Variants in CEP350 observed in about 807,000 individuals in gnomAD.
CEP350 encodes the protein centrosome-associated protein 350.
CEP350 carries 126 observed loss-of-function variants against 331.8 expected under a neutral mutation model. That is an observed-to-expected ratio of 0.38 (90% CI 0.33 to 0.44). The LOEUF is 0.44. Among genes scored for constraint, CEP350 ranks in the 20% least tolerant of loss-of-function variants. CEP350 has a pLI of 1.00. For missense variants in CEP350, 3,406 were observed against 3,634.6 expected (o/e 0.94, Z 1.62); for synonymous variants, 1,200 against 1,259.5 (o/e 0.95, Z 1.00).
chr1:180,058,154 G>A (rs1303014707), intron 25 of CEP350, among the ~76,000 whole-genome samples: 1 of 152,116 alleles, frequency 6.6e-6, no homozygotes, highest in Non-Finnish European at 1.5e-5. Flanking sequence ...ATGTTCAAGG[G>A]AAAATGAAAA....
At chr1:179,966,158 G>A (rs1291371068) in intron 1 of CEP350, among the ~76,000 whole-genome samples, 2 of 152,126 alleles carry the variant, frequency 1.3e-5, no homozygotes, top group Non-Finnish European at 2.9e-5. Flanking sequence ...TGAAAGATTA[G>A]CAGATTTAAT....
rs775876183 is a variant in CEP350 at position 180,075,162 on chromosome 1, A to G, written c.5708A>G (p.Glu1903Gly). The G allele has an allele frequency of 6.2e-7, 1 of 1,613,680 alleles. No homozygotes were observed. The highest frequency in any genetic ancestry group is 2.2e-5 in the East Asian group (1 of 44,884). The change falls in exon 28 of 38, where the codon GAA (glutamate) becomes GGA (glycine). Residue 1903 changes from glutamate to glycine, a missense_variant. Coordinates refer to ENST00000367607, the MANE Select transcript of CEP350 (RefSeq NM_014810.5). ...CAAGCTTTGGCTGCCTGGGACAAAG[A>G]ATTAATAAAACCCAAAACTCCTAAG... is the stretch of plus-strand genomic sequence containing the variant. ...EKQALAAWDK[E>G]LIKPKTPKKE...
intron 1 of CEP350, among the ~76,000 whole-genome samples, chr1:179,971,278 C>T (rs1233678279): frequency 2.0e-5 from 3 of 152,038 alleles, no homozygotes; most frequent in African/African-American, 7.2e-5. Context: ...ATCTGCCTGC[C>T]TCGACCTCCC....
In CEP350 at chr1:180,093,027, GAAA is replaced by G; in HGVS notation, c.6924_6926del (p.Glu2308_Asn2309delinsAsp). On this transcript the variant is annotated inframe_deletion, in exon 34 of 38. Transcript: ENST00000367607. The stretch of plus-strand genomic sequence containing the variant: ...AAAGAAAGATCTTCCTTTAGATTCT[GAAA>G]ATGTTCAGAAAGACCTAGTTGGATT... 2.5e-6 allele frequency: 4 copies of G among 1,605,464 alleles called. No homozygotes were observed. Among genetic ancestry groups the G allele is most frequent in the Admixed American group, 3.4e-5 (2 of 58,842 alleles).
At chr1:180,071,586 G>A (rs1407060960) in intron 27 of CEP350, among the ~76,000 whole-genome samples, 1 of 152,006 alleles carries the variant, frequency 6.6e-6, no homozygotes, top group Non-Finnish European at 1.5e-5. Context: ...AGACCAGCCT[G>A]GCCAACATGG....
chr1:179,983,654 A>G (rs754627986), intron 1 of CEP350, among the ~76,000 whole-genome samples: 31 of 152,218 alleles, frequency 2.0e-4, no homozygotes, highest in Non-Finnish European at 4.1e-4. Flanking sequence ...AGTTTTACAT[A>G]TTTGGACTTA....
chr1:180,072,625 C>T (rs1020878436), intron 27 of CEP350, among the ~76,000 whole-genome samples: 22 of 151,956 alleles, frequency 1.4e-4, no homozygotes, highest in Non-Finnish European at 2.9e-4. Context: ...CAAGGCAATC[C>T]AGATATGAAT....
intron 25 of CEP350, among the ~76,000 whole-genome samples, chr1:180,058,239 CTG>C: frequency 6.6e-6 from 1 of 152,212 alleles, no homozygotes; most frequent in South Asian, 2.1e-4. Flanking sequence ...CTGCAGGAAA[CTG>C]AATGTGTTAG....
rs551556576 is a variant in CEP350 at position 180,025,079 on chromosome 1, C to T, written c.3550+497C>T. On this transcript the variant is annotated intron_variant, in intron 14 of 37. Transcript: ENST00000367607. ...AGCTGGGACTACAGGCGCCCGCCAC[C>T]GCACCCAGCTAATTTTTTGTATTTT... Among the ~76,000 whole-genome samples the T allele has an allele frequency of 4.4e-3, 675 of 152,140 alleles. 7 individuals are homozygous for T. Among genetic ancestry groups the T allele is most frequent in the African/African-American group, 0.015 (641 of 41,532 alleles).
At chr1:180,024,174 A>T (rs1213364387) in intron 13 of CEP350, among the ~76,000 whole-genome samples, 1 of 152,056 alleles carries the variant, frequency 6.6e-6, no homozygotes, top group Non-Finnish European at 1.5e-5. Flanking sequence ...AGTATTCAAC[A>T]TTATACATTT....
intron 22 of CEP350, among the ~76,000 whole-genome samples, chr1:180,050,846 C>G (rs1324196526): frequency 6.6e-6 from 1 of 152,092 alleles, no homozygotes; most frequent in Non-Finnish European, 1.5e-5. Context: ...ATTAAAATTA[C>G]AAGATGCCAT....
chr1:179,965,159 C>G (rs1471619719), intron 1 of CEP350, among the ~76,000 whole-genome samples: 1 of 151,954 alleles, frequency 6.6e-6, no homozygotes, highest in Non-Finnish European at 1.5e-5. Flanking sequence ...GTTGTTTAAC[C>G]AAGTTAGTTA....
chr1:179,968,340 A>G (rs1651179392), intron 1 of CEP350, among the ~76,000 whole-genome samples: 1 of 152,052 alleles, frequency 6.6e-6, no homozygotes, highest in Admixed American at 6.6e-5. Context: ...TCCAAAAAAA[A>G]AAAAAAAAAG....
chr1:180,089,549 C>T (rs1183724137), intron 32 of CEP350, among the ~76,000 whole-genome samples: 2 of 151,116 alleles, frequency 1.3e-5, no homozygotes, highest in East Asian at 3.9e-4. Context: ...CGCCATTGCA[C>T]CCCAGCCTGG....
At chr1:180,030,194 G>T in intron 14 of CEP350, among the ~76,000 whole-genome samples, 1 of 143,442 alleles carries the variant, frequency 7.0e-6, no homozygotes. Flanking sequence ...TATCTTTAAA[G>T]TTTAACTTTA....
intron 1 of CEP350, among the ~76,000 whole-genome samples, chr1:179,983,606 G>A (rs1201528949): frequency 6.6e-6 from 1 of 152,138 alleles, no homozygotes; most frequent in African/African-American, 2.4e-5. Flanking sequence ...TGATAAATCA[G>A]ATTAAATTAA....
chr1:180,043,971 A>T, intron 20 of CEP350, 80 bp from the exon 21 acceptor site: 2 of 1,171,664 alleles, frequency 1.7e-6, no homozygotes, highest in Non-Finnish European at 2.3e-6. Context: ...ATTTTATCTC[A>T]TATTACTATT....
At position 180,095,912 on chromosome 1, in the gene CEP350, T is replaced by G; in HGVS notation, c.8901T>G (p.Ser2967Arg). ...AAGGTCTAGATATAGAAAGCACTAG[T>G]AAAAGGGTCTACAAACAGGTAGGTG... ...ASKGLDIEST[S>R]KRVYKQAVFD... The change falls in exon 35 of 38, where the codon AGT becomes AGG. Residue 2967 changes from serine to arginine, a missense_variant. Physicochemically the swap from Ser to Arg is moderately radical, Grantham distance 110. This residue lies in a region of CEP350 where 1,415 missense variants were observed against 1,512.3 expected (regional missense o/e 0.94). Transcript: ENST00000367607. 6.2e-7 allele frequency: 1 copy of G among 1,601,576 alleles called. No individual in the cohort carries two copies. The highest frequency in any genetic ancestry group is 8.5e-7 in the Non-Finnish European group (1 of 1,175,122).
At position 180,102,281 on chromosome 1, in the gene CEP350, G is replaced by A. The variant is rs573170928; in HGVS notation, c.9189+3296G>A. ...CTCCGGAGTAGCTGGGATTAGAGGC[G>A]CATGCCACCATGCCTGGCTAATTTT... On this transcript the variant is annotated intron_variant, in intron 37 of 37. Transcript: ENST00000367607. Among the ~76,000 whole-genome samples the A allele has an allele frequency of 9.1e-4, 138 of 152,080 alleles. 1 individual carries two copies. The highest frequency in any genetic ancestry group is 3.1e-3 in the African/African-American group (128 of 41,492).
Sources: gnomAD v4.1 joint callset for allele counts (sites outside exome capture counted in the v4.1 genomes callset) on GRCh38, gnomAD v4.1.1 for gene constraint, gnomAD v4.1.1 regional missense constraint, MANE v1.5 for transcripts, NCBI Gene and HGNC (gene_info 2026-07-23, HGNC 2026-07-21) for gene names.